UFM1: variants seen among roughly 807,000 people sequenced by gnomAD.
UFM1 encodes the protein ubiquitin-fold modifier 1.
Under a neutral mutation model 15.4 loss-of-function variants are expected in UFM1, and 9 were observed. The ratio of observed to expected loss-of-function variants is 0.59; its 90% confidence interval spans 0.35 to 1.02. The LOEUF (loss-of-function observed/expected upper bound fraction) is 1.02. Ranked by LOEUF, UFM1 falls within the 50% of genes least tolerant of loss-of-function variation. The pLI, the probability that UFM1 is intolerant of heterozygous loss-of-function variation, is 0.02. For missense variants in UFM1, 98 were observed against 104.7 expected (o/e 0.94, Z 0.28); for synonymous variants, 27 against 36.3 (o/e 0.74, Z 0.92).
At chr13:38,353,268 G>T (rs1193802170) in intron 2 of UFM1, among the ~76,000 whole-genome samples, 1 of 152,106 alleles carries the variant, frequency 6.6e-6, no homozygotes, top group Non-Finnish European at 1.5e-5. Flanking sequence ...AGCTGGTATT[G>T]AGACACTTAA....
In UFM1 at chr13:38,360,878, C is replaced by T. The variant is rs2140063842; in HGVS notation, c.*100C>T. On this transcript the variant is annotated 3_prime_UTR_variant, in exon 6 of 6. Coordinates refer to ENST00000239878, the MANE Select transcript of UFM1 (RefSeq NM_016617.4). ...AGGCATTTAACATACTATGAAAACA[C>T]CAGGAGTCAATGATTAATGAAAGGT... 3.2e-6 allele frequency: 3 copies of T among 936,688 alleles called. No homozygotes were observed. The highest frequency in any genetic ancestry group is 3.4e-4 in the Middle Eastern group (1 of 2,976). 58.0% of individuals were successfully genotyped at this position (936,688 alleles called of 1,614,324 possible). A position where few individuals can be genotyped will look rare whatever the true frequency, so the allele number is the denominator to read the frequency against.
Position 38,361,542 on chromosome 13 carries a change from T to C in UFM1, c.*764T>C, listed in dbSNP as rs2140065035. 6.6e-6 allele frequency: 1 copy of C among 152,302 alleles called. No individual in the cohort carries two copies. Among genetic ancestry groups the C allele is most frequent in the South Asian group, 2.1e-4 (1 of 4,828 alleles). The allele number at this position is 152,302 out of a possible 1,614,324, so 9.4% of individuals were successfully genotyped here. A position where few individuals can be genotyped will look rare whatever the true frequency, so the allele number is the denominator to read the frequency against. On this transcript the variant is annotated 3_prime_UTR_variant, in exon 6 of 6. Coordinates refer to ENST00000239878, the MANE Select transcript of UFM1 (RefSeq NM_016617.4). ...AAAACAAGTAGCTTCAAGAAACCAC[T>C]GGTGTTTTGAGGATAGTATTTCTAA...
intron 2 of UFM1, 79 bp downstream of exon 2, chr13:38,350,134 C>T: frequency 6.2e-7 from 1 of 1,614,002 alleles, no homozygotes; most frequent in East Asian, 2.2e-5. Context: ...GCTTTTCCAA[C>T]AACTACCCCA....
chr13:38,351,890 C>T lies in UFM1; in HGVS notation c.59+1835C>T, dbSNP rs1194247579. ...ATGTGTGTGTGGAAAATTCACATAA[C>T]GTGTAAATGTGTGTACAAGGGTATC... is the stretch of plus-strand genomic sequence containing the variant. On this transcript the variant is annotated intron_variant, in intron 2 of 5. Coordinates refer to ENST00000239878, the MANE Select transcript of UFM1 (RefSeq NM_016617.4). Among the ~76,000 whole-genome samples, 30 of 151,938 alleles carry T rather than the reference C, an allele frequency of 2.0e-4. No individual in the cohort carries two copies. In the East Asian group the frequency reaches 5.2e-3, roughly 26 times the overall value.
chr13:38,350,168 A>G, intron 2 of UFM1, 113 bp downstream of exon 2: 1 of 1,613,960 alleles, frequency 6.2e-7, no homozygotes, highest in Non-Finnish European at 8.5e-7. Flanking sequence ...TCTTCACTTC[A>G]TCTACTTTCC....
intron 3 of UFM1, among the ~76,000 whole-genome samples, chr13:38,356,504 TTTA>T (rs1879102000): frequency 6.6e-6 from 1 of 151,928 alleles, no homozygotes; most frequent in Non-Finnish European, 1.5e-5. Context: ...TTAAAATGTG[TTTA>T]TTATTAATTT....
Position 38,360,773 on chromosome 13 carries a change from T to A in UFM1, c.253T>A (p.Cys85Ser). ...RIIPRDRVGS[C>S] ...TATTCCTAGAGATCGTGTTGGAAGT[T>A]GTTAATATCTGCTACTTGGAACATA... The change falls in exon 6 of 6, where the codon TGT becomes AGT. Residue 85 changes from cysteine (C) to serine (S), a missense_variant. Physicochemically the swap from Cys to Ser is moderately radical, Grantham distance 112 (BLOSUM62 -1). Coordinates refer to ENST00000239878, the MANE Select transcript of UFM1 (RefSeq NM_016617.4). 6.2e-7 allele frequency: 1 copy of A among 1,606,638 alleles called. No homozygotes were observed. Among genetic ancestry groups the A allele is most frequent in the Non-Finnish European group, 8.5e-7 (1 of 1,176,224 alleles).
rs1408669983 is a variant in UFM1 at position 38,361,640 on chromosome 13, A to T, written c.*862A>T. ...AAAAGCTCAAGGAAATACAGATCGG[A>T]AGTGCTGATGAGTTATATTTATTGA... On this transcript the variant is annotated 3_prime_UTR_variant, in exon 6 of 6. Transcript: ENST00000239878. 2.0e-5 allele frequency: 3 copies of T among 152,214 alleles called. No homozygotes were observed. Among genetic ancestry groups the T allele is most frequent in the Non-Finnish European group, 1.5e-5 (1 of 68,028 alleles). The allele number at this position is 152,214 out of a possible 1,614,324, so 9.4% of individuals were successfully genotyped here.
At chr13:38,350,379 A>T (rs778347398) in intron 2 of UFM1, among the ~76,000 whole-genome samples, 66 of 152,182 alleles carry the variant, frequency 4.3e-4, no homozygotes, top group Admixed American at 5.2e-4. Context: ...ATTTGTTGGG[A>T]TTCTTAAACA....
chr13:38,350,233 T>G (rs1465271156), intron 2 of UFM1, 178 bp downstream of exon 2: 2 of 1,604,556 alleles, frequency 1.2e-6, no homozygotes, highest in African/African-American at 1.3e-5. Context: ...GAGAGGTCCG[T>G]ACTTGCTCGC....
intron 5 of UFM1, chr13:38,359,974 A>G: frequency 3.2e-6 from 1 of 316,938 alleles, no homozygotes; most frequent in Non-Finnish European, 6.2e-6. Context: ...ATTCTAGAGC[A>G]GTAGTTATTT....
chr13:38,360,047 C>A (rs1179690487), intron 5 of UFM1: 1 of 404,976 alleles, frequency 2.5e-6, no homozygotes, highest in Non-Finnish European at 5.0e-6. Flanking sequence ...ACAGGCCTTG[C>A]AGTTGAAATT....
intron 3 of UFM1, 142 bp downstream of exon 3, chr13:38,354,438 A>C (rs1879004092): frequency 1.9e-6 from 1 of 531,140 alleles, no homozygotes; most frequent in Non-Finnish European, 3.1e-6. Context: ...GTAGGATGAT[A>C]GTTAAGACTT....
In UFM1 at chr13:38,362,814, T is replaced by A. The variant is rs529883421; in HGVS notation, c.*2036T>A. 5.4e-4 allele frequency: 83 copies of A among 152,318 alleles called. No homozygotes were observed. Among genetic ancestry groups the A allele is most frequent in the African/African-American group, 2.0e-3 (82 of 41,584 alleles). The allele number at this position is 152,318 out of a possible 1,614,324, so 9.4% of individuals were successfully genotyped here. On this transcript the variant is annotated 3_prime_UTR_variant, in exon 6 of 6. Transcript: ENST00000239878. Reference sequence around the variant, plus strand: ...GTGCCATAAAGTGATATATTTAATATTTTTATTCTTTGGTTTTGAACATTG... The same window carrying A: ...GTGCCATAAAGTGATATATTTAATAATTTTATTCTTTGGTTTTGAACATTG...
intron 3 of UFM1, 90 bp from the exon 4 acceptor site, chr13:38,358,003 T>A: frequency 3.5e-6 from 2 of 578,900 alleles, no homozygotes; most frequent in Non-Finnish European, 5.4e-6. Context: ...AGAATTGGTA[T>A]TTGTACCCCA....
At chr13:38,350,898 CCT>C (rs1878818020) in intron 2 of UFM1, among the ~76,000 whole-genome samples, 2 of 152,142 alleles carry the variant, frequency 1.3e-5, no homozygotes, top group African/African-American at 2.4e-5. Flanking sequence ...CCAAAATATC[CCT>C]GTTACACTTT....
Position 38,361,014 on chromosome 13 carries a change from C to T in UFM1, c.*236C>T, listed in dbSNP as rs1879354818. 1.1e-5 allele frequency: 4 copies of T among 357,056 alleles called. No homozygotes were observed. Among genetic ancestry groups the T allele is most frequent in the Non-Finnish European group, 2.0e-5 (4 of 198,484 alleles). 22.1% of individuals were successfully genotyped at this position (357,056 alleles called of 1,614,324 possible). On this transcript the variant is annotated 3_prime_UTR_variant, in exon 6 of 6. Transcript: ENST00000239878. ...CATAGTCTTTGATGCTACCTCACAA[C>T]ACAAACAGGTAGTTCGTTGGGGGCA...
At chr13:38,351,644 G>C (rs1214404056) in intron 2 of UFM1, among the ~76,000 whole-genome samples, 5 of 152,094 alleles carry the variant, frequency 3.3e-5, no homozygotes, top group African/African-American at 1.2e-4. Context: ...CCTCATGATT[G>C]GTTTTTCCCT....
chr13:38,356,720 A>AC (rs370593433), intron 3 of UFM1, among the ~76,000 whole-genome samples: 6 of 149,030 alleles, frequency 4.0e-5, no homozygotes, highest in East Asian at 3.9e-4. Context: ...AAAAAAAAAA[A>AC]CTTCATGAAG....
Sources: allele counts gnomAD v4.1 joint callset (sites outside exome capture counted in the v4.1 genomes callset), GRCh38; gene constraint gnomAD v4.1.1; transcripts MANE v1.5; gene names NCBI Gene and HGNC (gene_info 2026-07-23, HGNC 2026-07-21).